The following NFATC3 variants were observed in gnomAD, a reference collection of about 807,000 sequenced individuals.
NFATC3 encodes the protein nuclear factor of activated T cells 3.
A neutral mutation model predicts 98.6 loss-of-function variants in NFATC3; 46 were observed. The observed-to-expected ratio is 0.47, with a 90% CI of 0.37 to 0.60. The LOEUF is 0.60. Among genes scored for constraint, NFATC3 ranks in the 20% least tolerant of loss-of-function variants. The pLI is 0.00. For missense variants in NFATC3, 1,256 were observed against 1,295.5 expected (o/e 0.97, Z 0.47); for synonymous variants, 512 against 472.2 (o/e 1.08, Z -1.09).
chr16:68,128,191 T>G (rs1423807848), intron 3 of NFATC3, among the ~76,000 whole-genome samples: 1 of 152,164 alleles, frequency 6.6e-6, no homozygotes, highest in African/African-American at 2.4e-5. Context: ...AAAAACTAAT[T>G]ACACTGAAGT....
intron 3 of NFATC3, among the ~76,000 whole-genome samples, chr16:68,132,519 C>T (rs1159212457): frequency 6.6e-6 from 1 of 152,154 alleles, no homozygotes; most frequent in Non-Finnish European, 1.5e-5. Context: ...AATAGAACTA[C>T]CATGTGATCC....
intron 8 of NFATC3, among the ~76,000 whole-genome samples, chr16:68,187,586 G>T (rs190426730): frequency 6.6e-6 from 1 of 152,152 alleles, no homozygotes; most frequent in Admixed American, 6.5e-5. Flanking sequence ...TCAGCAGAGA[G>T]GAAACTCTAG....
At chr16:68,149,163 G>C (rs929488470) in intron 3 of NFATC3, among the ~76,000 whole-genome samples, 4 of 152,098 alleles carry the variant, frequency 2.6e-5, no homozygotes, top group South Asian at 2.1e-4. Flanking sequence ...CTAAAGGCTA[G>C]GCTTAATGAT....
rs760603393 is a variant in NFATC3, at chr16:68,191,277, C to A, written c.2608C>A (p.Pro870Thr). 7 of 1,614,072 alleles carry A rather than the reference C, an allele frequency of 4.3e-6. No individual in the cohort carries two copies. Among genetic ancestry groups the A allele is most frequent in the Non-Finnish European group, 5.1e-6 (6 of 1,180,042 alleles). ...GSTGHLLAHT[P>T]HSVHTLPHLQ... ...AACAGGACATCTCTTAGCCCATACACCTCATTCTGTGCATACCCTGCCTCA... is the reference window on the plus strand; with the variant it reads ...AACAGGACATCTCTTAGCCCATACAACTCATTCTGTGCATACCCTGCCTCA... The change falls in exon 9 of 10, where the codon CCT becomes ACT. Residue 870 changes from proline to threonine, a missense_variant. Coordinates refer to ENST00000346183, the MANE Select transcript of NFATC3 (RefSeq NM_173165.3).
At chr16:68,151,468 C>T (rs1373773932) in intron 3 of NFATC3, among the ~76,000 whole-genome samples, 1 of 152,086 alleles carries the variant, frequency 6.6e-6, no homozygotes, top group African/African-American at 2.4e-5. Flanking sequence ...ATTCATGTAT[C>T]TTAAAATTGC....
intron 9 of NFATC3, 88 bp downstream of exon 9, chr16:68,191,863 C>A: frequency 7.2e-7 from 1 of 1,379,770 alleles, no homozygotes; most frequent in Non-Finnish European, 1.0e-6. Context: ...CTATGGATTG[C>A]TTATTGGCAT....
At chr16:68,154,093 G>A (rs1240828830) in intron 3 of NFATC3, among the ~76,000 whole-genome samples, 1 of 151,688 alleles carries the variant, frequency 6.6e-6, no homozygotes, top group African/African-American at 2.4e-5. Context: ...GTGTGTGCGT[G>A]TGTGTGTGTA....
chr16:68,108,734 G>A (rs1227285069), intron 1 of NFATC3, among the ~76,000 whole-genome samples: 1 of 152,082 alleles, frequency 6.6e-6, no homozygotes, highest in Admixed American at 6.6e-5. Context: ...CCATGTTTGT[G>A]TCCTCTCCGA....
In NFATC3 at chr16:68,122,588, A is replaced by G. The variant is rs1334972136; in HGVS notation, c.705A>G (p.Leu235=). 2.5e-6 allele frequency: 4 copies of G among 1,614,062 alleles called. No individual in the cohort carries two copies. The highest frequency in any genetic ancestry group is 3.4e-6 in the Non-Finnish European group (4 of 1,180,016). ...AACAGTATGGACTTGGACACTCATTATCACCCAGGCAATCTCCTTGCCACT... is the reference window on the plus strand; with the variant it reads ...AACAGTATGGACTTGGACACTCATTGTCACCCAGGCAATCTCCTTGCCACT... The part of the protein sequence containing the change: ...WHQQYGLGHS[L]SPRQSPCHSP... Residue 235 remains leucine (L), a synonymous_variant, in exon 2 of 10, where the codon TTA becomes TTG. Coordinates refer to ENST00000346183, the MANE Select transcript of NFATC3 (RefSeq NM_173165.3).
At chr16:68,125,346 T>C (rs1364713792) in intron 2 of NFATC3, among the ~76,000 whole-genome samples, 1 of 152,232 alleles carries the variant, frequency 6.6e-6, no homozygotes, top group East Asian at 1.9e-4. Flanking sequence ...GTTTTTCTTT[T>C]ATAATCCATG....
intron 9 of NFATC3, among the ~76,000 whole-genome samples, chr16:68,218,715 G>C (rs2041736145): frequency 6.6e-6 from 1 of 150,724 alleles, no homozygotes; most frequent in African/African-American, 2.4e-5. Flanking sequence ...TGGGACTACA[G>C]GTGCCTGCCG....
intron 3 of NFATC3, among the ~76,000 whole-genome samples, chr16:68,130,316 C>T (rs572179027): frequency 3.3e-5 from 5 of 152,062 alleles, no homozygotes; most frequent in African/African-American, 1.2e-4. Flanking sequence ...CAGAATTTTC[C>T]TTTTTTTGCA....
At position 68,127,401 on chromosome 16, in the gene NFATC3, G is replaced by T. The variant is rs1020534610; in HGVS notation, c.1401+791G>T. Among the ~76,000 whole-genome samples, 3 of 151,968 alleles carry T rather than the reference G, an allele frequency of 2.0e-5. No individual in the cohort carries two copies. In the East Asian group the frequency reaches 5.8e-4, roughly 29 times the overall value. On this transcript the variant is annotated intron_variant, in intron 3 of 9. Transcript: ENST00000346183. ...AAATGAATGGATTTTTTTAAGGAAA[G>T]AATTTTTTAAGGAAAGAGATTACAT... is the stretch of plus-strand genomic sequence containing the variant.
intron 9 of NFATC3, among the ~76,000 whole-genome samples, chr16:68,199,246 C>CA (rs1343108793): frequency 6.8e-6 from 1 of 147,714 alleles, no homozygotes; most frequent in East Asian, 2.0e-4. Context: ...TTTTTTGAGA[C>CA]AGAGTCTCGC....
intron 3 of NFATC3, among the ~76,000 whole-genome samples, chr16:68,151,223 A>G (rs2038302654): frequency 6.6e-6 from 1 of 152,110 alleles, no homozygotes; most frequent in African/African-American, 2.4e-5. Context: ...AAGCCTTGAT[A>G]ATGACTATAG....
At chr16:68,096,658 A>C (rs1176110311) in intron 1 of NFATC3, among the ~76,000 whole-genome samples, 4 of 152,190 alleles carry the variant, frequency 2.6e-5, no homozygotes, top group Non-Finnish European at 5.9e-5. Flanking sequence ...CTGAGTAGAG[A>C]GGTCAGAGAA....
intron 8 of NFATC3, among the ~76,000 whole-genome samples, chr16:68,183,926 G>T (rs1405123947): frequency 6.8e-6 from 1 of 146,874 alleles, no homozygotes; most frequent in Admixed American, 7.0e-5. Context: ...AGAATTGCTT[G>T]AACCCAGGAG....
At chr16:68,221,298 C>A (rs774270721) in intron 9 of NFATC3, 2 of 1,613,226 alleles carry the variant, frequency 1.2e-6, no homozygotes, top group Non-Finnish European at 1.7e-6. Context: ...AGAGCCTGAA[C>A]CCAGAGCCCC....
intron 6 of NFATC3, among the ~76,000 whole-genome samples, chr16:68,181,203 G>A (rs1024651491): frequency 1.3e-5 from 2 of 152,168 alleles, no homozygotes; most frequent in Admixed American, 6.5e-5. Context: ...CATTCTAACC[G>A]GTGTGAGATG....
Sources: allele counts gnomAD v4.1 joint callset (sites outside exome capture counted in the v4.1 genomes callset), GRCh38; gene constraint gnomAD v4.1.1; transcripts MANE v1.5; gene names NCBI Gene and HGNC (gene_info 2026-07-23, HGNC 2026-07-21).